PTPRD: variants seen among roughly 807,000 people sequenced by gnomAD.
The protein encoded by PTPRD is receptor-type tyrosine-protein phosphatase delta.
Under a neutral mutation model 214.5 loss-of-function variants are expected in PTPRD, and 34 were observed. That is an observed-to-expected ratio of 0.16 (90% CI 0.12 to 0.21). The LOEUF is 0.21. Ranked by LOEUF, PTPRD falls within the 10% of genes least tolerant of loss-of-function variation. PTPRD has a pLI of 1.00. For missense variants in PTPRD, 2,545 were observed against 2,398.7 expected, an observed-to-expected ratio of 1.06 and a Z score of -1.27; for synonymous variants, 1,128 against 845.7, an observed-to-expected ratio of 1.33 and a Z score of -5.79.
intron 8 of PTPRD, among the ~76,000 whole-genome samples, chr9:9,436,842 G>A (rs1044405021): frequency 2.6e-5 from 4 of 151,548 alleles, no homozygotes; most frequent in Non-Finnish European, 4.4e-5. Flanking sequence ...CTTCAGGCTG[G>A]TGTTATCTGT....
intron 14 of PTPRD, among the ~76,000 whole-genome samples, chr9:8,625,894 T>A (rs1170822228): frequency 2.6e-5 from 4 of 151,614 alleles, no homozygotes; most frequent in Admixed American, 6.6e-5. Flanking sequence ...AATCTTGCTA[T>A]CTTTAACAAA....
At chr9:9,369,532 T>G (rs1348660797) in intron 9 of PTPRD, among the ~76,000 whole-genome samples, 1 of 152,148 alleles carries the variant, frequency 6.6e-6, no homozygotes, top group Non-Finnish European at 1.5e-5. Context: ...ATGGGTAGAT[T>G]GCAAACATTT....
intron 11 of PTPRD, among the ~76,000 whole-genome samples, chr9:8,938,351 A>G (rs949893127): frequency 6.6e-6 from 1 of 152,096 alleles, no homozygotes; most frequent in Non-Finnish European, 1.5e-5. Context: ...AATTCAAAAC[A>G]CAGCTACGGT....
intron 3 of PTPRD, among the ~76,000 whole-genome samples, chr9:10,309,162 T>C (rs2096187940): frequency 1.3e-5 from 2 of 152,092 alleles, no homozygotes; most frequent in African/African-American, 4.8e-5. Context: ...TTCATCTCCA[T>C]ATTGATCCTT....
At chr9:8,613,375 T>A (rs1025896600) in intron 14 of PTPRD, among the ~76,000 whole-genome samples, 4 of 152,190 alleles carry the variant, frequency 2.6e-5, no homozygotes, top group Non-Finnish European at 5.9e-5. Flanking sequence ...AACATTATAA[T>A]ATCTTACTTT....
chr9:8,971,580 C>T (rs1036277), intron 11 of PTPRD, among the ~76,000 whole-genome samples: 77,176 of 151,368 alleles, frequency 0.51, 20,084 homozygotes, highest in East Asian at 0.76. Context: ...GTTCAATGAA[C>T]ATGATCTATA....
chr9:10,365,510 A>T (rs1428757895), intron 2 of PTPRD, among the ~76,000 whole-genome samples: 3 of 152,116 alleles, frequency 2.0e-5, no homozygotes, highest in Non-Finnish European at 4.4e-5. Context: ...ATGATTCTTT[A>T]TACTTGAAGT....
Position 8,314,367 on chromosome 9 carries a change from C to T in PTPRD, c.*3507G>A. 4.4e-6 allele frequency: 1 copy of T among 229,132 alleles called. No homozygotes were observed. The highest frequency in any genetic ancestry group is 8.7e-6 in the Non-Finnish European group (1 of 115,104). The allele number at this position is 229,132 out of a possible 1,614,324, so 14.2% of individuals were successfully genotyped here. A position where few individuals can be genotyped will look rare whatever the true frequency, so the allele number is the denominator to read the frequency against. On this transcript the variant is annotated 3_prime_UTR_variant, in exon 46 of 46. Transcript: ENST00000381196. Reference sequence around the variant, plus strand: ...TGTAACGAAGTAAGAAAATAAAAAGCACGCCTTTCATTCTGTAAAACATTT... The same window carrying T: ...TGTAACGAAGTAAGAAAATAAAAAGTACGCCTTTCATTCTGTAAAACATTT...
chr9:9,655,893 G>T (rs892819419), intron 7 of PTPRD, among the ~76,000 whole-genome samples: 1 of 152,040 alleles, frequency 6.6e-6, no homozygotes, highest in Non-Finnish European at 1.5e-5. Context: ...TAGGAGAATT[G>T]CTTAAACCCA....
At chr9:10,294,243 A>T (rs553086867) in intron 3 of PTPRD, among the ~76,000 whole-genome samples, 2 of 152,044 alleles carry the variant, frequency 1.3e-5, no homozygotes, top group East Asian at 1.9e-4. Context: ...CTAAACCTCA[A>T]ATGAGTTGAT....
intron 2 of PTPRD, among the ~76,000 whole-genome samples, chr9:10,577,820 C>T (rs1285786885): frequency 6.6e-6 from 1 of 151,594 alleles, no homozygotes; most frequent in African/African-American, 2.4e-5. Context: ...CTTCAAATTA[C>T]AAAAAGCAAT....
At chr9:9,830,148 TTAA>T (rs2153601017) in intron 5 of PTPRD, among the ~76,000 whole-genome samples, 1 of 151,840 alleles carries the variant, frequency 6.6e-6, no homozygotes, top group Non-Finnish European at 1.5e-5. Context: ...ACTTAAAACT[TTAA>T]TAATATTTGT....
chr9:9,195,074 G>A (rs2099937558), intron 9 of PTPRD, among the ~76,000 whole-genome samples: 1 of 107,736 alleles, frequency 9.3e-6, no homozygotes, highest in Admixed American at 1.1e-4. Flanking sequence ...ATATACATAT[G>A]TGTGTGTTTG....
chr9:9,775,585 C>A (rs907473118), intron 5 of PTPRD, among the ~76,000 whole-genome samples: 4 of 152,160 alleles, frequency 2.6e-5, no homozygotes, highest in Non-Finnish European at 5.9e-5. Context: ...CCTAATTGAT[C>A]TCCCCACCTT....
intron 11 of PTPRD, among the ~76,000 whole-genome samples, chr9:8,974,585 A>G (rs1036048583): frequency 3.3e-5 from 5 of 151,978 alleles, no homozygotes; most frequent in Non-Finnish European, 5.9e-5. Flanking sequence ...TGTTGCCATC[A>G]GTAGAGGAAT....
At chr9:9,115,826 G>T (rs1056609126) in intron 10 of PTPRD, among the ~76,000 whole-genome samples, 1 of 152,068 alleles carries the variant, frequency 6.6e-6, no homozygotes, top group African/African-American at 2.4e-5. Flanking sequence ...ATCAACTTAG[G>T]TGTCCATCAA....
chr9:10,352,840 G>C (rs1285602838), intron 2 of PTPRD, among the ~76,000 whole-genome samples: 1 of 151,928 alleles, frequency 6.6e-6, no homozygotes, highest in Admixed American at 6.6e-5. Flanking sequence ...ATTTTATCTA[G>C]AGAAATCCTC....
chr9:8,833,828 G>A (rs902457372), intron 11 of PTPRD, among the ~76,000 whole-genome samples: 1 of 150,654 alleles, frequency 6.6e-6, no homozygotes, highest in Non-Finnish European at 1.5e-5. Flanking sequence ...TTTCCAGACT[G>A]GTTGCTTGGT....
intron 39 of PTPRD, among the ~76,000 whole-genome samples, chr9:8,346,853 T>C (rs930230345): frequency 6.6e-6 from 1 of 152,140 alleles, no homozygotes; most frequent in African/African-American, 2.4e-5. Flanking sequence ...GAATCAATCC[T>C]CTATATGTAC....
Sources: gnomAD v4.1 joint callset for allele counts (sites outside exome capture counted in the v4.1 genomes callset) on GRCh38, gnomAD v4.1.1 for gene constraint, MANE v1.5 for transcripts, NCBI Gene and HGNC (gene_info 2026-07-23, HGNC 2026-07-21) for gene names.